Variants in SNTG1 observed in about 807,000 individuals in gnomAD.
SNTG1 encodes the protein syntrophin gamma 1.
SNTG1 carries 39 observed loss-of-function variants against 74.7 expected under a neutral mutation model. The observed-to-expected ratio is 0.52, with a 90% CI of 0.40 to 0.68. SNTG1 has a LOEUF of 0.68. SNTG1 is among the 30% of genes least tolerant of loss of function. The probability of loss-of-function intolerance (pLI) is 0.00; values close to 1 mark genes in which losing one functional copy is unlikely to be tolerated. For missense variants in SNTG1, 685 were observed against 609.5 expected, an observed-to-expected ratio of 1.12 and a Z score of -1.30; for synonymous variants, 254 against 217.1, an observed-to-expected ratio of 1.17 and a Z score of -1.49.
intron 3 of SNTG1, among the ~76,000 whole-genome samples, chr8:50,396,071 G>A (rs879759608): frequency 2.6e-5 from 4 of 152,186 alleles, no homozygotes; most frequent in Non-Finnish European, 5.9e-5. Context: ...TTGTTTTGAT[G>A]TACTAATTTG....
chr8:50,138,214 C>A (rs1389948246), intron 1 of SNTG1, among the ~76,000 whole-genome samples: 1 of 151,912 alleles, frequency 6.6e-6, no homozygotes, highest in Non-Finnish European at 1.5e-5. Flanking sequence ...CTGAAATTCA[C>A]ACATATGTTT....
chr8:50,227,597 G>T (rs538010164), intron 2 of SNTG1, among the ~76,000 whole-genome samples: 1 of 152,154 alleles, frequency 6.6e-6, no homozygotes, highest in African/African-American at 2.4e-5. Context: ...TCATCATCAG[G>T]TTGTAGAATG....
At chr8:50,018,588 C>T (rs1028414845) in intron 1 of SNTG1, among the ~76,000 whole-genome samples, 2 of 151,828 alleles carry the variant, frequency 1.3e-5, no homozygotes, top group Non-Finnish European at 2.9e-5. Flanking sequence ...AATGTTTTTG[C>T]TGTTGTTGTT....
chr8:50,285,243 A>G (rs2088701844), intron 2 of SNTG1, among the ~76,000 whole-genome samples: 2 of 152,120 alleles, frequency 1.3e-5, no homozygotes, highest in African/African-American at 4.8e-5. Flanking sequence ...ACAGCAGCCA[A>G]TCCTGTATCT....
At chr8:50,628,623 C>T (rs1411064637) in intron 13 of SNTG1, among the ~76,000 whole-genome samples, 2 of 152,040 alleles carry the variant, frequency 1.3e-5, no homozygotes, top group African/African-American at 4.8e-5. Flanking sequence ...TTCAATTTCA[C>T]CTTCCTTTAT....
intron 15 of SNTG1, among the ~76,000 whole-genome samples, chr8:50,687,084 G>A (rs1395708422): frequency 6.0e-5 from 9 of 150,416 alleles, no homozygotes; most frequent in Non-Finnish European, 1.0e-4. Context: ...GCAGTGAGCC[G>A]AGATTGCGCC....
chr8:50,036,251 T>C (rs1022504841), intron 1 of SNTG1, among the ~76,000 whole-genome samples: 8 of 152,208 alleles, frequency 5.3e-5, no homozygotes, highest in African/African-American at 1.9e-4. Flanking sequence ...TTCAACACCA[T>C]TTTATTGATA....
At chr8:50,355,325 G>A (rs2091788200) in intron 2 of SNTG1, among the ~76,000 whole-genome samples, 1 of 151,602 alleles carries the variant, frequency 6.6e-6, no homozygotes, top group South Asian at 2.1e-4. Flanking sequence ...GAAATGACAG[G>A]CATATATTTC....
chr8:50,580,815 T>C (rs940355803), intron 12 of SNTG1, among the ~76,000 whole-genome samples: 2 of 152,066 alleles, frequency 1.3e-5, no homozygotes, highest in African/African-American at 4.8e-5. Flanking sequence ...TCTTTATCAA[T>C]AGAGTGAGAA....
At chr8:50,592,236 G>A (rs903974932) in intron 13 of SNTG1, among the ~76,000 whole-genome samples, 3 of 152,098 alleles carry the variant, frequency 2.0e-5, no homozygotes, top group African/African-American at 7.2e-5. Context: ...AGTAGACAAG[G>A]CTGTTTTATA....
intron 13 of SNTG1, among the ~76,000 whole-genome samples, chr8:50,642,398 C>A (rs1397980752): frequency 6.6e-6 from 1 of 152,186 alleles, no homozygotes; most frequent in Non-Finnish European, 1.5e-5. Context: ...TCTGTTCAAA[C>A]CCTCCAATGG....
intron 13 of SNTG1, among the ~76,000 whole-genome samples, chr8:50,611,261 CCTT>C (rs1563645348): frequency 1.3e-5 from 2 of 152,136 alleles, no homozygotes; most frequent in Non-Finnish European, 2.9e-5. Context: ...ATCTCACTCT[CCTT>C]CTTCCCTTTG....
intron 12 of SNTG1, among the ~76,000 whole-genome samples, chr8:50,562,547 C>G (rs1412046139): frequency 6.6e-6 from 1 of 152,172 alleles, no homozygotes; most frequent in Non-Finnish European, 1.5e-5. Flanking sequence ...CTCAATTTCT[C>G]CCCTGTTTGA....
chr8:49,946,247 A>C (rs1226549248), intron 1 of SNTG1, among the ~76,000 whole-genome samples: 1 of 152,194 alleles, frequency 6.6e-6, no homozygotes, highest in Non-Finnish European at 1.5e-5. Flanking sequence ...ACTCCTGGCT[A>C]CTTTTGTCAA....
At position 50,740,299 on chromosome 8, in the gene SNTG1, A is replaced by C. The variant is rs537565530; in HGVS notation, c.1285-11702A>C. ...AGAAAAAAAAAACAGCCTTATTAAA[A>C]AGTGGGCAAAGGATATGAACCACAC... On this transcript the variant is annotated intron_variant, in intron 17 of 18. Coordinates refer to ENST00000642720, the MANE Select transcript of SNTG1 (RefSeq NM_018967.5). Among the ~76,000 whole-genome samples the C allele has an allele frequency of 7.2e-5, 11 of 152,170 alleles. No homozygotes were observed. In the South Asian group the frequency reaches 1.9e-3, roughly 26 times the overall value.
chr8:50,416,322 C>G (rs1358857743), intron 4 of SNTG1, among the ~76,000 whole-genome samples: 1 of 152,110 alleles, frequency 6.6e-6, no homozygotes, highest in African/African-American at 2.4e-5. Flanking sequence ...TCTATAGTTC[C>G]TCCTGCTTCA....
chr8:50,437,540 G>A (rs2093316871), intron 4 of SNTG1, among the ~76,000 whole-genome samples: 1 of 152,092 alleles, frequency 6.6e-6, no homozygotes, highest in Non-Finnish European at 1.5e-5. Flanking sequence ...AAGAGAATGA[G>A]GGAAGCAATT....
chr8:50,437,743 G>A (rs565782228), intron 4 of SNTG1, among the ~76,000 whole-genome samples: 2 of 152,276 alleles, frequency 1.3e-5, no homozygotes, highest in South Asian at 2.1e-4. Flanking sequence ...AAGTTAAAGC[G>A]TTCAGCCCTA....
At chr8:50,777,232 T>TA (rs957025874) in intron 18 of SNTG1, among the ~76,000 whole-genome samples, 10 of 147,354 alleles carry the variant, frequency 6.8e-5, no homozygotes, top group East Asian at 2.0e-4. Flanking sequence ...TATATATATA[T>TA]ATAATAATAT....
Sources: allele counts gnomAD v4.1 joint callset (sites outside exome capture counted in the v4.1 genomes callset), GRCh38; gene constraint gnomAD v4.1.1; transcripts MANE v1.5; gene names NCBI Gene and HGNC (gene_info 2026-07-23, HGNC 2026-07-21).